Variants in ZSCAN2 observed in about 807,000 individuals in gnomAD.
ZSCAN2 encodes the protein zinc finger and SCAN domain containing 2, also known as zinc finger and SCAN domain-containing protein 2.
ZSCAN2 carries 26 observed loss-of-function variants against 47.8 expected under a neutral mutation model. The observed-to-expected ratio is 0.54, with a 90% CI of 0.40 to 0.75. The LOEUF is 0.75. Among genes scored for constraint, ZSCAN2 ranks in the 30% least tolerant of loss-of-function variants. ZSCAN2 has a pLI of 0.00. For synonymous variants in ZSCAN2, 305 were observed against 288.7 expected (o/e 1.06, Z -0.57); for missense variants, 732 against 785.4 (o/e 0.93, Z 0.81).
At position 84,621,348 on chromosome 15, in the gene ZSCAN2, A is replaced by G. The variant is rs1367363399; in HGVS notation, c.1153A>G (p.Thr385Ala). The change falls in exon 3 of 3, where the codon ACA (threonine) becomes GCA (alanine). Residue 385 changes from threonine (T) to alanine (A), a missense_variant. Thr to Ala is a moderately conservative substitution (Grantham distance 58). This residue lies in a region of ZSCAN2 where 412 missense variants were observed against 498.0 expected (regional missense o/e 0.83). Transcript: ENST00000546148. The surrounding 1 kb of genome is among the most constrained non-coding windows in gnomAD (Gnocchi z 5.7). ...TCTAATCAGACACCAGAGAATCCAC[A>G]CAGGAGAGAAACCCTACAAATGTAC... Reference protein sequence around the residue: ...SNLIRHQRIHTGEKPYKCTDC... With the variant: ...SNLIRHQRIHAGEKPYKCTDC... The G allele has an allele frequency of 6.2e-7, 1 of 1,614,016 alleles. No individual in the cohort carries two copies. Among genetic ancestry groups the G allele is most frequent in the Non-Finnish European group, 8.5e-7 (1 of 1,180,030 alleles).
rs35815000 is a variant in ZSCAN2, at chr15:84,613,981, C to CTTTTT, written c.407-6600_407-6596dup. On this transcript the variant is annotated intron_variant, in intron 2 of 2. Transcript: ENST00000546148. ...AGGTGTGAGCCACTGCTCTTGGCCT[C>CTTTTT]TTTTTTTTTTTTTTTTTTTTTTTTT... Among the ~76,000 whole-genome samples, 324 of 52,324 alleles carry CTTTTT rather than the reference C, an allele frequency of 6.2e-3. 67 individuals are homozygous for CTTTTT. Among genetic ancestry groups the CTTTTT allele is most frequent in the African/African-American group, 0.016 (208 of 13,148 alleles). 34.3% of individuals were successfully genotyped at this position (52,324 alleles called of 152,430 possible). A position where few individuals can be genotyped will look rare whatever the true frequency, so the allele number is the denominator to read the frequency against.
At position 84,622,067 on chromosome 15, in the gene ZSCAN2, T is replaced by G; in HGVS notation, c.*27T>G. 1 of 1,548,204 alleles carries G rather than the reference T, an allele frequency of 6.5e-7. No homozygotes were observed. Among genetic ancestry groups the G allele is most frequent in the Non-Finnish European group, 8.8e-7 (1 of 1,142,312 alleles). On this transcript the variant is annotated 3_prime_UTR_variant, in exon 3 of 3. Coordinates refer to ENST00000546148, the MANE Select transcript of ZSCAN2 (RefSeq NM_181877.4). ...GTGGCAAAGAGTGAAAGTGAGGGAC[T>G]GGCCTGGAGTGGGAGTTGCCACACT...
chr15:84,614,019 CTCACTCTG>C (rs1050086887), intron 2 of ZSCAN2, among the ~76,000 whole-genome samples: 1 of 114,312 alleles, frequency 8.7e-6, no homozygotes. Context: ...GAGACAGAGT[CTCACTCTG>C]TCACCCAGGC....
chr15:84,616,860 C>T (rs1041370019), intron 2 of ZSCAN2, among the ~76,000 whole-genome samples: 9 of 152,176 alleles, frequency 5.9e-5, no homozygotes, highest in African/African-American at 1.9e-4. Flanking sequence ...TGGCAGCTCA[C>T]GCCTATAATC....
chr15:84,604,882 C>T (rs896400142), intron 2 of ZSCAN2, among the ~76,000 whole-genome samples: 5 of 151,848 alleles, frequency 3.3e-5, no homozygotes, highest in African/African-American at 7.3e-5. Flanking sequence ...GAATTACAGG[C>T]GTGCGCCACC....
rs1895861879 is a variant in ZSCAN2, at chr15:84,623,671, T to G, written c.*1631T>G. On this transcript the variant is annotated 3_prime_UTR_variant, in exon 3 of 3. Coordinates refer to ENST00000546148, the MANE Select transcript of ZSCAN2 (RefSeq NM_181877.4). ...GTGCTCAGAATGGGCTTAGTTCTTATAGGATGGATGCTCAGTATTCCTTAA... is the reference window on the plus strand; with the variant it reads ...GTGCTCAGAATGGGCTTAGTTCTTAGAGGATGGATGCTCAGTATTCCTTAA... 6.0e-6 allele frequency: 1 copy of G among 167,108 alleles called. No individual in the cohort carries two copies. The highest frequency in any genetic ancestry group is 1.5e-5 in the Non-Finnish European group (1 of 68,150). The allele number at this position is 167,108 out of a possible 1,614,324, so 10.4% of individuals were successfully genotyped here.
At chr15:84,620,519 T>A in intron 2 of ZSCAN2, 83 bp from the exon 3 acceptor site, 1 of 1,278,184 alleles carries the variant, frequency 7.8e-7, no homozygotes, top group Non-Finnish European at 1.1e-6. Flanking sequence ...AAGTTTAATT[T>A]TTATAAATTT....
At chr15:84,609,887 G>A (rs1226637276) in intron 2 of ZSCAN2, among the ~76,000 whole-genome samples, 1 of 152,232 alleles carries the variant, frequency 6.6e-6, no homozygotes, top group African/African-American at 2.4e-5. Flanking sequence ...CATTGTTACA[G>A]CAAAGTCAGG....
intron 2 of ZSCAN2, among the ~76,000 whole-genome samples, chr15:84,613,086 T>G (rs1047539977): frequency 6.6e-6 from 1 of 152,242 alleles, no homozygotes; most frequent in African/African-American, 2.4e-5. Flanking sequence ...TCTTCCAGCA[T>G]CATTTATTGT....
intron 2 of ZSCAN2, among the ~76,000 whole-genome samples, chr15:84,609,806 C>T (rs962110391): frequency 2.0e-5 from 3 of 152,188 alleles, no homozygotes; most frequent in Non-Finnish European, 4.4e-5. Flanking sequence ...CACAATCAGG[C>T]AGGAAGGGGC....
At chr15:84,613,941 A>G (rs2141782716) in intron 2 of ZSCAN2, among the ~76,000 whole-genome samples, 1 of 141,782 alleles carries the variant, frequency 7.1e-6, no homozygotes, top group Middle Eastern at 4.1e-3. Flanking sequence ...CTGCCTCCCA[A>G]AGTGCTGAGA....
At chr15:84,607,269 C>T (rs1306743995) in intron 2 of ZSCAN2, among the ~76,000 whole-genome samples, 1 of 152,094 alleles carries the variant, frequency 6.6e-6, no homozygotes, top group African/African-American at 2.4e-5. Context: ...GCTTCTGCCC[C>T]TTCATCCCAG....
At position 84,614,092 on chromosome 15, in the gene ZSCAN2, G is replaced by A. The variant is rs534589059; in HGVS notation, c.407-6510G>A. Reference sequence around the variant, plus strand: ...TATAATCTCAAACTCCTGGCCTCAAGCAATCCTCCCACCTCAGGTTCCTGA... The same window carrying A: ...TATAATCTCAAACTCCTGGCCTCAAACAATCCTCCCACCTCAGGTTCCTGA... On this transcript the variant is annotated intron_variant, in intron 2 of 2. Transcript: ENST00000546148. Among the ~76,000 whole-genome samples the A allele has an allele frequency of 9.1e-4, 126 of 138,858 alleles. 1 individual carries two copies. Among genetic ancestry groups the A allele is most frequent in the African/African-American group, 3.3e-3 (122 of 37,414 alleles). 91.1% of individuals were successfully genotyped at this position (138,858 alleles called of 152,430 possible).
chr15:84,613,981 CTTTTTTTTT>C (rs35815000), intron 2 of ZSCAN2, among the ~76,000 whole-genome samples: 21 of 52,340 alleles, frequency 4.0e-4, no homozygotes, highest in African/African-American at 1.1e-3. Flanking sequence ...CTCTTGGCCT[CTTTTTTTTT>C]TTTTTTTTTT....
chr15:84,609,879 T>C (rs1041994285), intron 2 of ZSCAN2, among the ~76,000 whole-genome samples: 6 of 152,240 alleles, frequency 3.9e-5, no homozygotes, highest in Non-Finnish European at 8.8e-5. Flanking sequence ...GTTTATTTCA[T>C]TGTTACAGCA....
intron 2 of ZSCAN2, among the ~76,000 whole-genome samples, chr15:84,613,743 C>G (rs928164778): frequency 1.4e-5 from 2 of 148,042 alleles, no homozygotes; most frequent in East Asian, 4.1e-4. Flanking sequence ...GGCACGATCT[C>G]TGCTCACTGC....
chr15:84,613,816 G>C (rs527637679), intron 2 of ZSCAN2, among the ~76,000 whole-genome samples: 2 of 151,492 alleles, frequency 1.3e-5, no homozygotes, highest in Admixed American at 1.3e-4. Context: ...CAACTAGCTG[G>C]GATTACAGGC....
chr15:84,608,404 G>A (rs1895445444), intron 2 of ZSCAN2, among the ~76,000 whole-genome samples: 1 of 151,898 alleles, frequency 6.6e-6, no homozygotes, highest in Admixed American at 6.6e-5. Flanking sequence ...ATGGTGGCAT[G>A]TGCCTGTAAT....
chr15:84,613,066 C>T (rs574236190), intron 2 of ZSCAN2, among the ~76,000 whole-genome samples: 1 of 152,222 alleles, frequency 6.6e-6, no homozygotes, highest in East Asian at 1.9e-4. Flanking sequence ...TCCAGTTTTC[C>T]GTAACTAGTT....
Sources: gnomAD v4.1 joint callset for allele counts (sites outside exome capture counted in the v4.1 genomes callset) on GRCh38, gnomAD v4.1.1 for gene constraint, gnomAD v4.1.1 regional missense constraint, Gnocchi (gnomAD v3.1) non-coding constraint, MANE v1.5 for transcripts, NCBI Gene and HGNC (gene_info 2026-07-23, HGNC 2026-07-21) for gene names.